Variants in TEX14 observed in about 807,000 individuals in gnomAD.
The protein encoded by TEX14 is inactive serine/threonine-protein kinase TEX14.
A neutral mutation model predicts 178.6 loss-of-function variants in TEX14; 168 were observed. The observed-to-expected ratio is 0.94, with a 90% CI of 0.83 to 1.07. The LOEUF (loss-of-function observed/expected upper bound fraction) is 1.07, where lower values mean the gene tolerates loss of function less well. Among genes scored for constraint, TEX14 ranks in the 50% least tolerant of loss-of-function variants. The pLI, the probability that TEX14 is intolerant of heterozygous loss-of-function variation, is 0.00. For missense variants in TEX14, 1,730 were observed against 1,753.6 expected, an observed-to-expected ratio of 0.99 and a Z score of 0.24; for synonymous variants, 626 against 634.1, an observed-to-expected ratio of 0.99 and a Z score of 0.19.
intron 21 of TEX14, 75 bp from the exon 22 acceptor site, chr17:58,574,324 A>ACCAGTTGATCAGCCCAGTGTGAGAC (rs1470611719): frequency 1.7e-6 from 2 of 1,167,038 alleles, no homozygotes; most frequent in Non-Finnish European, 2.6e-6. Context: ...GCTACAAGGA[A>ACCAGTTGATCAGCCCAGTGTGAGAC]CCAGTTGATC....
intron 10 of TEX14, among the ~76,000 whole-genome samples, chr17:58,608,628 C>G (rs536212798): frequency 6.6e-6 from 1 of 152,204 alleles, no homozygotes; most frequent in South Asian, 2.1e-4. Context: ...AGGCCCAGAG[C>G]TGGTGATGAA....
chr17:58,608,416 CAAAAAAA>C (rs561515686), intron 10 of TEX14, among the ~76,000 whole-genome samples: 1 of 108,418 alleles, frequency 9.2e-6, no homozygotes, highest in Admixed American at 9.9e-5. Flanking sequence ...GACTCCATCT[CAAAAAAA>C]AAAAAAAAAT....
chr17:58,636,367 T>C (rs2046433589), intron 2 of TEX14, among the ~76,000 whole-genome samples: 1 of 152,234 alleles, frequency 6.6e-6, no homozygotes, highest in Non-Finnish European at 1.5e-5. Context: ...GACATCCTAA[T>C]ACCACCCTCA....
chr17:58,628,688 G>A (rs1015006003), intron 3 of TEX14, among the ~76,000 whole-genome samples: 3 of 150,194 alleles, frequency 2.0e-5, no homozygotes, highest in Non-Finnish European at 4.4e-5. Flanking sequence ...CTCCAGCCTG[G>A]GCAACAGAGT....
intron 1 of TEX14, among the ~76,000 whole-genome samples, chr17:58,654,446 G>A (rs933184747): frequency 2.7e-5 from 4 of 149,286 alleles, no homozygotes; most frequent in African/African-American, 7.4e-5. Context: ...GTGCACTCCC[G>A]CTTATAGGCA....
intron 1 of TEX14, among the ~76,000 whole-genome samples, chr17:58,657,026 C>T (rs1045669653): frequency 2.7e-5 from 4 of 150,928 alleles, no homozygotes; most frequent in Non-Finnish European, 5.9e-5. Flanking sequence ...CCAGGCTGGT[C>T]TTCAACTCCT....
chr17:58,621,282 A>G (rs1339582970), intron 5 of TEX14, among the ~76,000 whole-genome samples: 1 of 152,120 alleles, frequency 6.6e-6, no homozygotes, highest in Non-Finnish European at 1.5e-5. Context: ...CCTTAGTAAT[A>G]AAGGAACACT....
At position 58,599,643 on chromosome 17, in the gene TEX14, C is replaced by G; in HGVS notation, c.1702G>C (p.Val568Leu). ...GTCCCCTCAGTGAATAAAGAGTGAA[C>G]CCTTGGTGAATGAGGTTGACTGCCT... Reference protein sequence around the residue: ...EMGSQPHSPRVHSLFTEGTLD... With the variant: ...EMGSQPHSPRLHSLFTEGTLD... Residue 568 changes from valine to leucine, a missense_variant, in exon 14 of 32, where the codon GTT becomes CTT. Physicochemically the swap from Val to Leu is conservative, Grantham distance 32 (BLOSUM62 1). Coordinates refer to ENST00000349033, the MANE Select transcript of TEX14 (RefSeq NM_031272.5). 1 of 1,611,824 alleles carries G rather than the reference C, an allele frequency of 6.2e-7. No individual in the cohort carries two copies. The highest frequency in any genetic ancestry group is 8.5e-7 in the Non-Finnish European group (1 of 1,179,172).
In TEX14 at chr17:58,599,174, TC is replaced by T; in HGVS notation, c.2170del (p.Glu724SerfsTer11). ...SNLNNMSTTE[E>X]YLISKCVLDL... is the part of the protein sequence containing the mutation. ...CAGCACACACTTACTGATGAGATAC[TC>T]CTCAGTCGTGGACATGTTGTTCAAA... On this transcript the variant is annotated frameshift_variant, in exon 14 of 32. Transcript: ENST00000349033. LOFTEE classifies it high-confidence loss of function. 6.2e-7 allele frequency: 1 copy of T among 1,614,218 alleles called. No homozygotes were observed. The highest frequency in any genetic ancestry group is 8.5e-7 in the Non-Finnish European group (1 of 1,180,052).
chr17:58,682,138 G>T (rs1390712662), intron 1 of TEX14, among the ~76,000 whole-genome samples: 1 of 151,980 alleles, frequency 6.6e-6, no homozygotes, highest in South Asian at 2.1e-4. Flanking sequence ...TTGTAGAGAG[G>T]GAGTTTCACC....
chr17:58,660,494 G>T, intron 1 of TEX14: 1 of 699,534 alleles, frequency 1.4e-6, no homozygotes, highest in South Asian at 1.7e-5. Context: ...ACAGCTGTAG[G>T]GGAGCTCAGG....
At chr17:58,594,990 T>A (rs111911786) in intron 14 of TEX14, among the ~76,000 whole-genome samples, 1 of 152,194 alleles carries the variant, frequency 6.6e-6, no homozygotes. Flanking sequence ...ACATGCTCCC[T>A]GAAGTATAAG....
chr17:58,656,197 G>A (rs962373463), intron 1 of TEX14, among the ~76,000 whole-genome samples: 6 of 151,722 alleles, frequency 4.0e-5, no homozygotes, highest in African/African-American at 1.2e-4. Context: ...TAATCCCAAC[G>A]CTTTGGGAGG....
At chr17:58,631,236 T>C in intron 2 of TEX14, 1 of 634,734 alleles carries the variant, frequency 1.6e-6, no homozygotes, top group Non-Finnish European at 2.0e-6. Context: ...CCGAGGCGGG[T>C]AGATCACTTG....
At chr17:58,582,250 A>T (rs2044839571) in intron 19 of TEX14, among the ~76,000 whole-genome samples, 1 of 152,112 alleles carries the variant, frequency 6.6e-6, no homozygotes, top group Non-Finnish European at 1.5e-5. Context: ...AAAAAGCAGC[A>T]AATTTATATT....
Position 58,617,490 on chromosome 17 carries a change from T to C in TEX14, c.636+48A>G, listed in dbSNP as rs1276831461. ...AAAGGTGGGAGATGGGGCCCGATGA[T>C]TCTCCAGTTAGTCCTGCAAACACTG... On this transcript the variant is annotated intron_variant, in intron 6 of 31. Transcript: ENST00000349033. 4 of 1,401,208 alleles carry C rather than the reference T, an allele frequency of 2.9e-6. No individual in the cohort carries two copies. The South Asian group carries it at 3.6e-5, about 12-fold the overall frequency. 86.8% of individuals were successfully genotyped at this position (1,401,208 alleles called of 1,614,324 possible). A position where few individuals can be genotyped will look rare whatever the true frequency, so the allele number is the denominator to read the frequency against.
intron 1 of TEX14, among the ~76,000 whole-genome samples, chr17:58,671,229 G>A (rs185991390): frequency 2.6e-5 from 4 of 152,270 alleles, no homozygotes; most frequent in Admixed American, 2.6e-4. Flanking sequence ...TTCATTTTGA[G>A]AAATGAATAG....
At position 58,613,462 on chromosome 17, in the gene TEX14, G is replaced by C; in HGVS notation, c.964C>G (p.Arg322Gly). The change falls in exon 9 of 32, where the codon CGC (arginine) becomes GGC (glycine). Residue 322 changes from arginine (R) to glycine (G), a missense_variant. This residue lies in a region of TEX14 where 789 missense variants were observed against 681.2 expected (regional missense o/e 1.16). Transcript: ENST00000349033. ...DLEKTRLVYE[R>G]ITIGTLFSVL... is the part of the protein sequence containing the mutation. ...CTGAACAATGTGCCGATAGTGATGC[G>C]CTCGTACACAAGGCGGGTTTTCTCT... is the stretch of plus-strand genomic sequence containing the variant. 6.2e-7 allele frequency: 1 copy of C among 1,614,076 alleles called. No homozygotes were observed. Among genetic ancestry groups the C allele is most frequent in the Non-Finnish European group, 8.5e-7 (1 of 1,180,000 alleles).
chr17:58,579,848 C>A, intron 19 of TEX14, 117 bp from the exon 20 acceptor site: 1 of 820,298 alleles, frequency 1.2e-6, no homozygotes, highest in Non-Finnish European at 2.0e-6. Flanking sequence ...ATCCCTGCAT[C>A]TTTATAGAAA....
Sources: gnomAD v4.1 joint callset for allele counts (sites outside exome capture counted in the v4.1 genomes callset) on GRCh38, gnomAD v4.1.1 for gene constraint, gnomAD v4.1.1 regional missense constraint, MANE v1.5 for transcripts, NCBI Gene and HGNC (gene_info 2026-07-23, HGNC 2026-07-21) for gene names.